The following FOXP1 variants were observed in gnomAD, a reference collection of about 807,000 sequenced individuals.
FOXP1 encodes the protein forkhead box P1.
FOXP1 carries 15 observed loss-of-function variants against 98.2 expected under a neutral mutation model. That is an observed-to-expected ratio of 0.15 (90% CI 0.10 to 0.24). The LOEUF (loss-of-function observed/expected upper bound fraction) is 0.24. Among genes scored for constraint, FOXP1 ranks in the 10% least tolerant of loss-of-function variants. The pLI, the probability that FOXP1 is intolerant of heterozygous loss-of-function variation, is 1.00. For missense variants in FOXP1, 633 were observed against 848.5 expected (o/e 0.75, Z 3.15); for synonymous variants, 371 against 314.5 (o/e 1.18, Z -1.90).
chr3:71,519,016 C>T (rs1314935618), intron 2 of FOXP1, among the ~76,000 whole-genome samples: 2 of 152,216 alleles, frequency 1.3e-5, no homozygotes, highest in African/African-American at 2.4e-5. Context: ...GAGGCCGAGA[C>T]GGGCGGATCG....
chr3:71,052,508 T>G, intron 9 of FOXP1, 29 bp downstream of exon 9: 1 of 939,352 alleles, frequency 1.1e-6, no homozygotes, highest in Non-Finnish European at 1.8e-6. Flanking sequence ...GGATCTGTGG[T>G]TTGAAAGTAA....
At chr3:71,350,741 G>A (rs140519634) in intron 4 of FOXP1, among the ~76,000 whole-genome samples, 1 of 152,280 alleles carries the variant, frequency 6.6e-6, no homozygotes, top group East Asian at 1.9e-4. Flanking sequence ...GATATTTAAA[G>A]GTTCCTTCCA....
intron 6 of FOXP1, among the ~76,000 whole-genome samples, chr3:71,154,709 T>C (rs1156743380): frequency 6.6e-5 from 10 of 152,134 alleles, no homozygotes; most frequent in Non-Finnish European, 1.5e-4. Context: ...AGCTATTAAA[T>C]AGAGATAAAA....
At chr3:71,548,255 C>T (rs1028117638) in intron 2 of FOXP1, among the ~76,000 whole-genome samples, 4 of 152,094 alleles carry the variant, frequency 2.6e-5, no homozygotes, top group African/African-American at 9.7e-5. Context: ...ATGCAAGATC[C>T]AGCTCTAGTT....
intron 9 of FOXP1, among the ~76,000 whole-genome samples, chr3:71,051,600 G>GCT: frequency 6.6e-6 from 1 of 152,306 alleles, no homozygotes; most frequent in South Asian, 2.1e-4. Context: ...TGGATGAGGT[G>GCT]CTGTATATAG....
Position 71,408,165 on chromosome 3 carries a change from G to A in FOXP1, c.-167-48921C>T, listed in dbSNP as rs2082483433. ...TCAGAACCTTTCTTCAGGGGGGTTTGCAACTCGAAGACTTTTAATTTGCAA... is the reference window on the plus strand; with the variant it reads ...TCAGAACCTTTCTTCAGGGGGGTTTACAACTCGAAGACTTTTAATTTGCAA... On this transcript the variant is annotated intron_variant, in intron 3 of 20. Coordinates refer to ENST00000649528, the MANE Select transcript of FOXP1 (RefSeq NM_001349338.3). Among the ~76,000 whole-genome samples the A allele has an allele frequency of 3.3e-5, 5 of 152,152 alleles. No homozygotes were observed. In the South Asian group the frequency reaches 1.0e-3, roughly 32 times the overall value.
chr3:71,012,566 G>C (rs1002469838), intron 12 of FOXP1, among the ~76,000 whole-genome samples: 2 of 152,154 alleles, frequency 1.3e-5, no homozygotes, highest in African/African-American at 4.8e-5. Flanking sequence ...CCTGAGGCAA[G>C]AAAGCTATGA....
intron 5 of FOXP1, among the ~76,000 whole-genome samples, chr3:71,232,526 C>T (rs1388841523): frequency 2.6e-5 from 4 of 151,870 alleles, no homozygotes; most frequent in East Asian, 1.9e-4. Context: ...GTCTTCTTTA[C>T]GGCAGGAAGC....
chr3:71,430,507 A>G (rs912283298), intron 3 of FOXP1, among the ~76,000 whole-genome samples: 64 of 152,098 alleles, frequency 4.2e-4, no homozygotes, highest in African/African-American at 1.3e-3. Flanking sequence ...TCAAGAGGAA[A>G]GAAAGAAAAA....
chr3:71,328,134 GCAGAAGAA>G (rs2076032578), intron 4 of FOXP1, among the ~76,000 whole-genome samples: 1 of 152,114 alleles, frequency 6.6e-6, no homozygotes, highest in African/African-American at 2.4e-5. Context: ...ATTAAAGGAG[GCAGAAGAA>G]TTTGGCAAAC....
rs796438731 is a variant in FOXP1, at chr3:71,115,721, T to TA, written c.181-3085dup. On this transcript the variant is annotated intron_variant, in intron 6 of 20. Transcript: ENST00000649528. ...TGTCTTTAAGAAAAACATTCACACA[T>TA]ACACACAAAACTATTCTTTTTTTTT... 3.3e-4 allele frequency among the ~76,000 whole-genome samples: 48 copies of TA among 145,130 alleles called. 3 individuals are homozygous for TA. The highest frequency in any genetic ancestry group is 1.2e-3 in the African/African-American group (46 of 39,486).
At chr3:71,415,659 G>C (rs572736276) in intron 3 of FOXP1, among the ~76,000 whole-genome samples, 1 of 151,600 alleles carries the variant, frequency 6.6e-6, no homozygotes, top group Admixed American at 6.6e-5. Flanking sequence ...ACATCATTAG[G>C]AAGTGTAAGT....
intron 6 of FOXP1, among the ~76,000 whole-genome samples, chr3:71,158,364 G>A (rs988675136): frequency 6.7e-6 from 1 of 149,850 alleles, no homozygotes; most frequent in African/African-American, 2.5e-5. Context: ...AGTGCCCAGG[G>A]AATGTTACCC....
At chr3:71,397,025 CATATATATGTGTATATATATAT>C (rs1560425275) in intron 3 of FOXP1, among the ~76,000 whole-genome samples, 7 of 17,024 alleles carry the variant, frequency 4.1e-4, no homozygotes, top group Non-Finnish European at 9.7e-4. Context: ...TATATATATA[CATATATATGTGTATATATATAT>C]ACACATATAT....
chr3:71,524,703 T>C (rs1034747014), intron 2 of FOXP1, among the ~76,000 whole-genome samples: 8 of 152,252 alleles, frequency 5.3e-5, no homozygotes, highest in African/African-American at 1.9e-4. Context: ...AAATTGTTCA[T>C]GTTCCGCTAC....
rs1257643309 is a variant in FOXP1, at chr3:71,583,619, C to G, written c.-495G>C. The stretch of plus-strand genomic sequence containing the variant: ...CAAACTAAGGTGTTTTCGGGCCTTT[C>G]CCCGCGCGCGCCCACTCCCGCCCGC... On this transcript the variant is annotated 5_prime_UTR_variant, in exon 1 of 21. Transcript: ENST00000649528. The G allele has an allele frequency of 2.9e-5, 29 of 984,252 alleles. No homozygotes were observed. The highest frequency in any genetic ancestry group is 3.3e-5 in the Non-Finnish European group (27 of 829,670). The allele number at this position is 984,252 out of a possible 1,614,324, so 61.0% of individuals were successfully genotyped here.
intron 6 of FOXP1, among the ~76,000 whole-genome samples, chr3:71,132,064 G>A: frequency 6.6e-6 from 1 of 151,916 alleles, no homozygotes; most frequent in Non-Finnish European, 1.5e-5. Flanking sequence ...CCTTTTCAAG[G>A]GGCAGGAGAA....
At chr3:71,157,728 T>C (rs2060894110) in intron 6 of FOXP1, among the ~76,000 whole-genome samples, 3 of 152,152 alleles carry the variant, frequency 2.0e-5, no homozygotes, top group Non-Finnish European at 2.9e-5. Context: ...AGTTAGAGGC[T>C]AGTGATACAA....
chr3:71,043,121 C>A (rs2048571208), intron 10 of FOXP1, among the ~76,000 whole-genome samples: 1 of 152,122 alleles, frequency 6.6e-6, no homozygotes, highest in East Asian at 1.9e-4. Context: ...AACGGTTCTC[C>A]ACGAAAATGT....
Sources: gnomAD v4.1 joint callset for allele counts (sites outside exome capture counted in the v4.1 genomes callset) on GRCh38, gnomAD v4.1.1 for gene constraint, MANE v1.5 for transcripts, NCBI Gene and HGNC (gene_info 2026-07-23, HGNC 2026-07-21) for gene names.